The following ACAP2 variants were observed in gnomAD, a reference collection of about 807,000 sequenced individuals.
The protein encoded by ACAP2 is arf-GAP with coiled-coil, ANK repeat and PH domain-containing protein 2.
In ACAP2, 39 loss-of-function variants were observed where a neutral mutation model predicts 115.8. The ratio of observed to expected loss-of-function variants is 0.34; its 90% CI spans 0.26 to 0.44. The LOEUF (loss-of-function observed/expected upper bound fraction) is 0.44, where lower values mean the gene tolerates loss of function less well. Ranked by LOEUF, ACAP2 falls within the 20% of genes least tolerant of loss-of-function variation. The probability of loss-of-function intolerance (pLI) is 1.00; values close to 1 mark genes in which losing one functional copy is unlikely to be tolerated. For missense variants in ACAP2, 662 were observed against 927.6 expected, an observed-to-expected ratio of 0.71 and a Z score of 3.72; for synonymous variants, 289 against 315.8, an observed-to-expected ratio of 0.92 and a Z score of 0.90.
At chr3:195,420,228 C>A (rs1317187125) in intron 1 of ACAP2, among the ~76,000 whole-genome samples, 1 of 151,874 alleles carries the variant, frequency 6.6e-6, no homozygotes, top group Non-Finnish European at 1.5e-5. Flanking sequence ...GGAATTTCAC[C>A]TCTACTTATT....
chr3:195,432,465 G>T (rs1362388238), intron 1 of ACAP2, among the ~76,000 whole-genome samples: 1 of 152,168 alleles, frequency 6.6e-6, no homozygotes. Flanking sequence ...GCATTGAATT[G>T]TCTGGGTACC....
In ACAP2 at chr3:195,291,698, G is replaced by A. The variant is rs748492793; in HGVS notation, c.2063+8C>T. ...AAGTCTCCTTAAATATGAAAGCACT[G>A]CAGTTACCCTGTGTGCCCTAAGACG... On this transcript the variant is annotated splice_region_variant and intron_variant, in intron 20 of 22. Transcript: ENST00000326793. 36 of 1,595,126 alleles carry A rather than the reference G, an allele frequency of 2.3e-5. No individual in the cohort carries two copies. The highest frequency in any genetic ancestry group is 2.6e-5 in the Non-Finnish European group (31 of 1,172,128).
intron 4 of ACAP2, among the ~76,000 whole-genome samples, chr3:195,346,930 G>A (rs1326669462): frequency 6.6e-6 from 1 of 152,142 alleles, no homozygotes; most frequent in Non-Finnish European, 1.5e-5. Flanking sequence ...AGACTGAGGG[G>A]ATGAAAAATC....
intron 17 of ACAP2, 91 bp downstream of exon 17, chr3:195,295,617 A>T (rs1312157671): frequency 4.9e-6 from 7 of 1,426,732 alleles, no homozygotes; most frequent in Non-Finnish European, 5.8e-6. Flanking sequence ...TTAACATTAA[A>T]AAAAACGACA....
chr3:195,425,715 T>C (rs191119508), intron 1 of ACAP2, among the ~76,000 whole-genome samples: 6 of 152,332 alleles, frequency 3.9e-5, no homozygotes, highest in Admixed American at 3.9e-4. Context: ...TATTCTTCCC[T>C]TGTCTTCCTC....
intron 4 of ACAP2, among the ~76,000 whole-genome samples, chr3:195,377,973 A>G (rs1733666603): frequency 6.6e-6 from 1 of 152,116 alleles, no homozygotes; most frequent in South Asian, 2.1e-4. Context: ...CTTAGTATAA[A>G]AATTATCTTT....
chr3:195,379,287 A>G (rs1733790813), intron 4 of ACAP2, among the ~76,000 whole-genome samples: 1 of 152,196 alleles, frequency 6.6e-6, no homozygotes, highest in Non-Finnish European at 1.5e-5. Context: ...ACAAACAACA[A>G]AAGACAAAAT....
intron 2 of ACAP2, among the ~76,000 whole-genome samples, chr3:195,388,120 C>T (rs1246426128): frequency 1.3e-5 from 2 of 152,120 alleles, no homozygotes; most frequent in Non-Finnish European, 2.9e-5. Flanking sequence ...ATGCAAGAAA[C>T]AATGCAACAG....
intron 13 of ACAP2, among the ~76,000 whole-genome samples, chr3:195,305,349 A>G (rs6437467): frequency 0.83 from 126,041 of 152,074 alleles, 52,473 homozygotes; most frequent in East Asian, 0.94. Flanking sequence ...CTTCAACATC[A>G]ACACTGGAAA....
chr3:195,407,246 C>T (rs1033992731), intron 1 of ACAP2, among the ~76,000 whole-genome samples: 7 of 149,846 alleles, frequency 4.7e-5, no homozygotes. Context: ...GTCTATAATC[C>T]CAGCACTTTG....
At chr3:195,292,175 C>T in intron 19 of ACAP2, 90 bp downstream of exon 19, 1 of 1,417,514 alleles carries the variant, frequency 7.1e-7, no homozygotes, top group African/African-American at 1.4e-5. Context: ...TCTCTTGAAG[C>T]AAAGACAATA....
At chr3:195,378,511 CA>C (rs111244710) in intron 4 of ACAP2, among the ~76,000 whole-genome samples, 4 of 147,508 alleles carry the variant, frequency 2.7e-5, no homozygotes, top group Admixed American at 6.8e-5. Flanking sequence ...ACAAAACAAA[CA>C]AACAAAAAAA....
chr3:195,407,929 A>T (rs1712927022), intron 1 of ACAP2, among the ~76,000 whole-genome samples: 1 of 152,168 alleles, frequency 6.6e-6, no homozygotes, highest in Admixed American at 6.5e-5. Context: ...AATTTTTTTT[A>T]AAAAGAAGAC....
At chr3:195,332,441 G>A (rs1352598368) in intron 8 of ACAP2, among the ~76,000 whole-genome samples, 2 of 151,950 alleles carry the variant, frequency 1.3e-5, no homozygotes, top group African/African-American at 4.8e-5. Flanking sequence ...ATAACATAAG[G>A]TTCTTTTTAC....
intron 4 of ACAP2, among the ~76,000 whole-genome samples, chr3:195,356,622 T>C (rs1000354083): frequency 2.6e-5 from 4 of 152,022 alleles, no homozygotes; most frequent in African/African-American, 9.7e-5. Context: ...CAGGACTTTG[T>C]TTTGCAACAT....
intron 18 of ACAP2, among the ~76,000 whole-genome samples, chr3:195,293,765 A>G (rs1174061910): frequency 6.6e-6 from 1 of 151,932 alleles, no homozygotes; most frequent in Non-Finnish European, 1.5e-5. Context: ...GCGTGAACAG[A>G]AGGTAGAGGC....
At chr3:195,416,064 T>C (rs991373524) in intron 1 of ACAP2, among the ~76,000 whole-genome samples, 1 of 152,100 alleles carries the variant, frequency 6.6e-6, no homozygotes, top group Non-Finnish European at 1.5e-5. Flanking sequence ...ATGCTCAATG[T>C]CAGATGGGCG....
intron 2 of ACAP2, among the ~76,000 whole-genome samples, chr3:195,384,856 T>C (rs1235061724): frequency 1.3e-5 from 2 of 152,164 alleles, no homozygotes; most frequent in East Asian, 1.9e-4. Context: ...ACTACATAGG[T>C]GGTATTATGC....
chr3:195,355,437 C>T (rs1731897551), intron 4 of ACAP2, among the ~76,000 whole-genome samples: 1 of 152,114 alleles, frequency 6.6e-6, no homozygotes, highest in Non-Finnish European at 1.5e-5. Context: ...AAAATTCACA[C>T]ATTTTCCCAT....
Sources: gnomAD v4.1 joint callset for allele counts (sites outside exome capture counted in the v4.1 genomes callset) on GRCh38, gnomAD v4.1.1 for gene constraint, MANE v1.5 for transcripts, NCBI Gene and HGNC (gene_info 2026-07-23, HGNC 2026-07-21) for gene names.